Variants in LAIR1 observed in about 807,000 individuals in gnomAD.
LAIR1 encodes the protein leukocyte associated immunoglobulin like receptor 1, also known as leukocyte-associated immunoglobulin-like receptor 1.
In LAIR1, 24 loss-of-function variants were observed where a neutral mutation model predicts 32.8. The observed-to-expected ratio is 0.73, with a 90% confidence interval of 0.53 to 1.03. The LOEUF is 1.03. Among genes scored for constraint, LAIR1 ranks in the 50% least tolerant of loss-of-function variants. The pLI is 0.00. For synonymous variants in LAIR1, 150 were observed against 140.5 expected (o/e 1.07, Z -0.48); for missense variants, 355 against 347.5 (o/e 1.02, Z -0.17).
At chr19:54,373,270 A>C (rs56785076), upstream of LAIR1, among the ~76,000 whole-genome samples, 14 of 150,672 alleles carry the variant, frequency 9.3e-5, no homozygotes, top group South Asian at 2.9e-3. Flanking sequence ...GTGAAACCCC[A>C]TCTCTACTAA....
chr19:54,372,491 CTTTTTTTTTTT>C (rs35628063), upstream of LAIR1, among the ~76,000 whole-genome samples: 21 of 131,548 alleles, frequency 1.6e-4, no homozygotes, highest in Admixed American at 1.7e-3. Flanking sequence ...TTCTTTCTTT[CTTTTTTTTTTT>C]TTTTTTGAGA....
upstream of LAIR1, among the ~76,000 whole-genome samples, chr19:54,367,522 A>G (rs562966597): frequency 1.3e-5 from 2 of 152,134 alleles, no homozygotes; most frequent in African/African-American, 2.4e-5. Flanking sequence ...CGAGGTGGGC[A>G]GATCATGAGG....
At chr19:54,375,666 C>T in the LAIR1 span, among the ~76,000 whole-genome samples, 1 of 152,142 alleles carries the variant, frequency 6.6e-6, no homozygotes, top group African/African-American at 2.4e-5. Context: ...TCACAATATA[C>T]AACCTTCGAT....
upstream of LAIR1, among the ~76,000 whole-genome samples, chr19:54,365,828 CT>C (rs1448220733): frequency 2.0e-5 from 3 of 151,476 alleles, no homozygotes; most frequent in African/African-American, 4.8e-5. Flanking sequence ...CTGAACTCCC[CT>C]GATCACTGCA....
Position 54,364,578 on chromosome 19 carries a change from C to T in LAIR1, c.34+193G>A, listed in dbSNP as rs1345212401. 47 of 795,378 alleles carry T rather than the reference C, an allele frequency of 5.9e-5. No homozygotes were observed. In the South Asian group the frequency reaches 6.0e-4, roughly 10 times the overall value. The allele number at this position is 795,378 out of a possible 1,614,324, so 49.3% of individuals were successfully genotyped here. On this transcript the variant is annotated intron_variant, in intron 1 of 9. Transcript: ENST00000391742. The surrounding 1 kb of genome is among the most constrained non-coding windows in gnomAD (Gnocchi z 4.8). ...CTTCTTAAAGCTGACCTCATCCCCA[C>T]ACCCGGGCCCCTGTTTTTAGGACAA...
At chr19:54,375,859 T>C in the LAIR1 span, among the ~76,000 whole-genome samples, 4 of 151,914 alleles carry the variant, frequency 2.6e-5, no homozygotes, top group Non-Finnish European at 5.9e-5. Flanking sequence ...AAAAGTCATA[T>C]ATAGCATATT....
In LAIR1 at chr19:54,364,063, T is replaced by TTG. The variant is rs1428900269; in HGVS notation, c.70+231_70+232insCA. On this transcript the variant is annotated intron_variant, in intron 2 of 9. Coordinates refer to ENST00000391742, the MANE Select transcript of LAIR1 (RefSeq NM_002287.6). The surrounding 1 kb of genome is among the most constrained non-coding windows in gnomAD (Gnocchi z 4.8). ...GTACCCCGCAAATTGCAATTATTTG[T>TTG]CAATTAAAAATAAAATTTTTGAAAA... 3.7e-4 allele frequency among the ~76,000 whole-genome samples: 56 copies of TTG among 152,310 alleles called. No homozygotes were observed. Among genetic ancestry groups the TTG allele is most frequent in the African/African-American group, 1.3e-3 (54 of 41,572 alleles).
rs570552453 is a variant in LAIR1, at chr19:54,355,955, G to C, written c.716C>G (p.Ser239Trp). The change falls in exon 9 of 10, where the codon TCG (serine) becomes TGG (tryptophan). Residue 239 changes from serine to tryptophan, a missense_variant and splice_region_variant. Transcript: ENST00000391742. This position sits in a 1 kb window ranked among gnomAD's most constrained non-coding sequence, Gnocchi z 4.7. ...LPEKDRETDTSALAAGSSQEV... is the reference protein window; with the variant it reads ...LPEKDRETDTWALAAGSSQEV... ...TTAATAACTAGTAGGAAGGCTCACC[G>C]AGGTGTCCGTCTCTCTGTCCTTCTC... The C allele has an allele frequency of 6.3e-7, 1 of 1,594,368 alleles. No homozygotes were observed. Among genetic ancestry groups the C allele is most frequent in the Non-Finnish European group, 8.6e-7 (1 of 1,161,712 alleles).
Position 54,364,685 on chromosome 19 carries a change from C to A in LAIR1, c.34+86G>T. 5 of 1,176,518 alleles carry A rather than the reference C, an allele frequency of 4.2e-6. No individual in the cohort carries two copies. In the South Asian group the frequency reaches 6.3e-5, roughly 15 times the overall value. 72.9% of individuals were successfully genotyped at this position (1,176,518 alleles called of 1,614,324 possible). On this transcript the variant is annotated intron_variant, in intron 1 of 9. Coordinates refer to ENST00000391742, the MANE Select transcript of LAIR1 (RefSeq NM_002287.6). This position sits in a 1 kb window ranked among gnomAD's most constrained non-coding sequence, Gnocchi z 4.8. ...AGGAGGACACTTTCCTCCCCAGAAT[C>A]TTCTGGACTAGAGTCAGGCTTGAGC...
In LAIR1 at chr19:54,355,883, T is replaced by C. The variant is rs930305384; in HGVS notation, c.717+71A>G. On this transcript the variant is annotated intron_variant, in intron 9 of 9. Transcript: ENST00000391742. This position sits in a 1 kb window ranked among gnomAD's most constrained non-coding sequence, Gnocchi z 4.7. ...CCCAGCTGAGCCACTCCTGAATTCC[T>C]AACCCAAGGAACTGAGATTTTTTTA... The C allele has an allele frequency of 5.5e-6, 6 of 1,094,160 alleles. No homozygotes were observed. In the Admixed American group the frequency reaches 6.8e-5, roughly 12 times the overall value. 67.8% of individuals were successfully genotyped at this position (1,094,160 alleles called of 1,614,324 possible). A position where few individuals can be genotyped will look rare whatever the true frequency, so the allele number is the denominator to read the frequency against.
chr19:54,369,131 A>C (rs1482148007), upstream of LAIR1, among the ~76,000 whole-genome samples: 1 of 133,024 alleles, frequency 7.5e-6, no homozygotes, highest in Non-Finnish European at 1.6e-5. Flanking sequence ...CACATCCGCC[A>C]AAAAAAAAAA....
rs1300511426 is a variant in LAIR1, at chr19:54,355,844, G to A, written c.717+110C>T. On this transcript the variant is annotated intron_variant, in intron 9 of 9. Transcript: ENST00000391742. The surrounding 1 kb of genome is among the most constrained non-coding windows in gnomAD (Gnocchi z 4.7). ...CTCGACAGCAACCTCAGGACAGGCC[G>A]TGAGCCGGAACCGCCCAGCTGAGCC... is the stretch of plus-strand genomic sequence containing the variant. 9 of 775,620 alleles carry A rather than the reference G, an allele frequency of 1.2e-5. No homozygotes were observed. The highest frequency in any genetic ancestry group is 5.7e-5 in the Admixed American group (3 of 52,188). 48.0% of individuals were successfully genotyped at this position (775,620 alleles called of 1,614,324 possible).
Position 54,352,781 on chromosome 19 carries a change from G to A in LAIR1, c.*2487C>T, listed in dbSNP as rs1488666621. ...CATGTACCCACCTGTCAACCTCATA[G>A]TCAAACAAACAAGACGTTATGGGAG... On this transcript the variant is annotated 3_prime_UTR_variant, in exon 10 of 10. Transcript: ENST00000391742. The A allele has an allele frequency of 6.5e-6, 1 of 153,016 alleles. No homozygotes were observed. Among genetic ancestry groups the A allele is most frequent in the Non-Finnish European group, 1.5e-5 (1 of 68,066 alleles). 9.5% of individuals were successfully genotyped at this position (153,016 alleles called of 1,614,324 possible). A position where few individuals can be genotyped will look rare whatever the true frequency, so the allele number is the denominator to read the frequency against.
Position 54,364,657 on chromosome 19 carries a change from A to G in LAIR1, c.34+114T>C, listed in dbSNP as rs111404400. 2.6e-4 allele frequency: 245 copies of G among 954,344 alleles called. No individual in the cohort carries two copies. Among genetic ancestry groups the G allele is most frequent in the Middle Eastern group, 8.7e-4 (4 of 4,604 alleles). The allele number at this position is 954,344 out of a possible 1,614,324, so 59.1% of individuals were successfully genotyped here. A position where few individuals can be genotyped will look rare whatever the true frequency, so the allele number is the denominator to read the frequency against. ...GGGAGAGCAGCAGGGCAGTCTTGGG[A>G]GGAGGAGGACACTTTCCTCCCCAGA... is the stretch of plus-strand genomic sequence containing the variant. On this transcript the variant is annotated intron_variant, in intron 1 of 9. Transcript: ENST00000391742. This position sits in a 1 kb window ranked among gnomAD's most constrained non-coding sequence, Gnocchi z 4.8.
chr19:54,372,838 G>C (rs543018692), upstream of LAIR1, among the ~76,000 whole-genome samples: 5 of 151,452 alleles, frequency 3.3e-5, no homozygotes, highest in East Asian at 9.6e-4. Flanking sequence ...TTCTTTAAAA[G>C]TCGATCAACT....
upstream of LAIR1, among the ~76,000 whole-genome samples, chr19:54,371,608 A>G (rs1414380272): frequency 2.6e-5 from 4 of 151,510 alleles, no homozygotes; most frequent in Non-Finnish European, 4.4e-5. Flanking sequence ...CTCGTTTTTA[A>G]TTTTAGTGCA....
upstream of LAIR1, chr19:54,365,159 A>G (rs2082213633): frequency 2.5e-6 from 2 of 792,182 alleles, no homozygotes; most frequent in African/African-American, 3.7e-5. Context: ...CCAACTCCAC[A>G]AGTTAACGGT....
chr19:54,371,525 C>T (rs1173314777), upstream of LAIR1, among the ~76,000 whole-genome samples: 1 of 151,440 alleles, frequency 6.6e-6, no homozygotes, highest in Non-Finnish European at 1.5e-5. Flanking sequence ...TCTTGAACTC[C>T]TGCCCTCAGG....
At chr19:54,373,816 A>G (rs186235574), upstream of LAIR1, among the ~76,000 whole-genome samples, 64 of 152,346 alleles carry the variant, frequency 4.2e-4, 1 homozygote, top group African/African-American at 1.5e-3. Flanking sequence ...TCTCCCCAGG[A>G]TGACTCAGGG....
Sources: gnomAD v4.1 joint callset for allele counts (sites outside exome capture counted in the v4.1 genomes callset) on GRCh38, gnomAD v4.1.1 for gene constraint, Gnocchi (gnomAD v3.1) non-coding constraint, MANE v1.5 for transcripts, NCBI Gene and HGNC (gene_info 2026-07-23, HGNC 2026-07-21) for gene names.